The following PEMT variants were observed in gnomAD, a reference collection of about 807,000 sequenced individuals.
PEMT encodes the protein phospholipid methyltransferase.
In PEMT, 23 loss-of-function variants were observed where a neutral mutation model predicts 27.4. That is an observed-to-expected ratio of 0.84 (90% CI 0.60 to 1.19). PEMT has a LOEUF of 1.19. Ranked by LOEUF, PEMT falls within the 50% of genes most tolerant of loss-of-function variation. The pLI is 0.00. For missense variants in PEMT, 307 were observed against 310.1 expected (o/e 0.99, Z 0.07); for synonymous variants, 137 against 139.1 (o/e 0.98, Z 0.11).
At chr17:17,522,742 C>T (rs1907369022) in intron 2 of PEMT, among the ~76,000 whole-genome samples, 1 of 152,072 alleles carries the variant, frequency 6.6e-6, no homozygotes, top group Admixed American at 6.5e-5. Flanking sequence ...GACCTCAGGC[C>T]CTACCTGGGA....
chr17:17,570,810 T>A, intron 2 of PEMT: 1 of 985,398 alleles, frequency 1.0e-6, no homozygotes, highest in South Asian at 4.7e-5. Context: ...CTGCTGGTGA[T>A]CTGGCGGGGG....
At chr17:17,519,574 C>A (rs1011955273) in intron 3 of PEMT, among the ~76,000 whole-genome samples, 2 of 151,996 alleles carry the variant, frequency 1.3e-5, no homozygotes, top group Non-Finnish European at 2.9e-5. Flanking sequence ...GTGGGCCTGT[C>A]CCCCTGGTCT....
intron 2 of PEMT, among the ~76,000 whole-genome samples, chr17:17,538,077 C>T (rs754507131): frequency 1.3e-5 from 2 of 152,238 alleles, no homozygotes; most frequent in South Asian, 2.1e-4. Flanking sequence ...GTCTCTCCAA[C>T]GCTGCAACAG....
At chr17:17,547,564 C>G (rs1195859977) in intron 2 of PEMT, among the ~76,000 whole-genome samples, 4 of 152,246 alleles carry the variant, frequency 2.6e-5, no homozygotes, top group Non-Finnish European at 4.4e-5. Context: ...GGCAGAGAAG[C>G]ATTGTGTGCA....
intron 2 of PEMT, among the ~76,000 whole-genome samples, chr17:17,556,501 G>A (rs1910063514): frequency 6.6e-6 from 1 of 151,960 alleles, no homozygotes; most frequent in Admixed American, 6.6e-5. Context: ...AGCCTCCCGA[G>A]TAGCTGGGAT....
At chr17:17,528,866 C>A (rs1177772228) in intron 2 of PEMT, among the ~76,000 whole-genome samples, 1 of 152,246 alleles carries the variant, frequency 6.6e-6, no homozygotes, top group African/African-American at 2.4e-5. Flanking sequence ...CCTAGGCCGG[C>A]CCCGATGGCC....
At chr17:17,565,705 C>T (rs1224671268) in intron 2 of PEMT, among the ~76,000 whole-genome samples, 1 of 152,290 alleles carries the variant, frequency 6.6e-6, no homozygotes, top group African/African-American at 2.4e-5. Flanking sequence ...GCTCCTGAGT[C>T]TCAAGCTGTC....
chr17:17,526,217 C>CT (rs1220229963), intron 2 of PEMT, among the ~76,000 whole-genome samples: 4 of 152,084 alleles, frequency 2.6e-5, no homozygotes, highest in Non-Finnish European at 5.9e-5. Context: ...GGCTCCTTTT[C>CT]TTTTTTTGCA....
chr17:17,566,648 G>A (rs1567733496), intron 2 of PEMT, among the ~76,000 whole-genome samples: 2 of 152,246 alleles, frequency 1.3e-5, no homozygotes, highest in East Asian at 3.9e-4. Context: ...GGGAAAGCTG[G>A]CGAAGGGGAG....
chr17:17,549,105 T>C (rs1316474526), intron 2 of PEMT, among the ~76,000 whole-genome samples: 3 of 152,130 alleles, frequency 2.0e-5, no homozygotes, highest in African/African-American at 4.8e-5. Context: ...CTCCCTGGGC[T>C]CAGATGATCC....
In PEMT at chr17:17,586,269, A is replaced by G. The variant is rs1329391179; in HGVS notation, c.96+5262T>C. Among the ~76,000 whole-genome samples, 4 of 116,380 alleles carry G rather than the reference A, an allele frequency of 3.4e-5. 1 individual carries two copies. The highest frequency in any genetic ancestry group is 1.7e-4 in the African/African-American group (4 of 24,240). 76.3% of individuals were successfully genotyped at this position (116,380 alleles called of 152,430 possible). The stretch of plus-strand genomic sequence containing the variant: ...GAAAGAAAGAAAGAAAGAAAGAAAG[A>G]AAGAAAGAAAGAAAGAAAGAAAAAA... On this transcript the variant is annotated intron_variant, in intron 1 of 6. Transcript: ENST00000255389.
At chr17:17,586,689 A>C (rs1423717466) in intron 1 of PEMT, among the ~76,000 whole-genome samples, 1 of 152,158 alleles carries the variant, frequency 6.6e-6, no homozygotes, top group Non-Finnish European at 1.5e-5. Context: ...TCAGGAATAT[A>C]AGCTTTGCCC....
At chr17:17,527,828 C>T (rs535207637) in intron 2 of PEMT, among the ~76,000 whole-genome samples, 19 of 152,324 alleles carry the variant, frequency 1.2e-4, no homozygotes, top group South Asian at 1.2e-3. Flanking sequence ...CTGGGCTCGC[C>T]GGCTGCCAGG....
At chr17:17,533,697 G>A (rs527460543) in intron 2 of PEMT, among the ~76,000 whole-genome samples, 2 of 151,792 alleles carry the variant, frequency 1.3e-5, no homozygotes, top group African/African-American at 4.8e-5. Context: ...ATGCAAAATG[G>A]CACAATCACT....
In PEMT at chr17:17,513,157, C is replaced by T. The variant is rs925029666; in HGVS notation, c.321-503G>A. On this transcript the variant is annotated intron_variant, in intron 3 of 6. Coordinates refer to ENST00000255389, the MANE Select transcript of PEMT (RefSeq NM_148172.3). The surrounding 1 kb of genome is among the most constrained non-coding windows in gnomAD (Gnocchi z 4.1). The stretch of plus-strand genomic sequence containing the variant: ...GGGGCATGCTCTGTGCTAGGGATTG[C>T]GCTTCCACAGCCCCTGTGGGTCTGG... Among the ~76,000 whole-genome samples, 2 of 152,226 alleles carry T rather than the reference C, an allele frequency of 1.3e-5. No homozygotes were observed. Among genetic ancestry groups the T allele is most frequent in the South Asian group, 2.1e-4 (1 of 4,836 alleles).
intron 2 of PEMT, among the ~76,000 whole-genome samples, chr17:17,546,558 A>G (rs1909274040): frequency 6.6e-6 from 1 of 152,244 alleles, no homozygotes; most frequent in Admixed American, 6.5e-5. Flanking sequence ...GAAGAAAATT[A>G]CAAGATAACG....
At chr17:17,522,654 C>T (rs1026528194) in intron 2 of PEMT, among the ~76,000 whole-genome samples, 5 of 152,206 alleles carry the variant, frequency 3.3e-5, no homozygotes, top group African/African-American at 1.2e-4. Context: ...TTCAACCAGA[C>T]ACAGCCATGA....
At chr17:17,562,969 C>T (rs897022536) in intron 2 of PEMT, among the ~76,000 whole-genome samples, 6 of 152,188 alleles carry the variant, frequency 3.9e-5, no homozygotes, top group Non-Finnish European at 5.9e-5. Flanking sequence ...ATCCTTTCCT[C>T]GCAGACGCTC....
intron 2 of PEMT, among the ~76,000 whole-genome samples, chr17:17,556,046 C>T (rs1488294387): frequency 2.0e-5 from 3 of 152,266 alleles, no homozygotes; most frequent in African/African-American, 7.2e-5. Context: ...GAGCGGAACA[C>T]AGCCACTCCT....
Sources: gnomAD v4.1 joint callset for allele counts (sites outside exome capture counted in the v4.1 genomes callset) on GRCh38, gnomAD v4.1.1 for gene constraint, Gnocchi (gnomAD v3.1) non-coding constraint, MANE v1.5 for transcripts, NCBI Gene and HGNC (gene_info 2026-07-23, HGNC 2026-07-21) for gene names.